ANKFN1: variants seen among roughly 807,000 people sequenced by gnomAD.
ANKFN1 encodes ankyrin repeat and fibronectin type-III domain-containing protein 1.
In ANKFN1, 74 loss-of-function variants were observed where a neutral mutation model predicts 108.7. That is an observed-to-expected ratio of 0.68 (90% CI 0.56 to 0.83). The LOEUF (loss-of-function observed/expected upper bound fraction) is 0.83. Ranked by LOEUF, ANKFN1 falls within the 40% of genes least tolerant of loss-of-function variation. ANKFN1 has a pLI of 0.00. For synonymous variants in ANKFN1, 547 were observed against 516.2 expected, an observed-to-expected ratio of 1.06 and a Z score of -0.81; for missense variants, 1,505 against 1,382.3, an observed-to-expected ratio of 1.09 and a Z score of -1.41.
chr17:56,121,909 CAT>C (rs1906646145), intron 4 of ANKFN1, among the ~76,000 whole-genome samples: 1 of 152,136 alleles, frequency 6.6e-6, no homozygotes, highest in South Asian at 2.1e-4. Flanking sequence ...CAAAGTTAGA[CAT>C]TCCTCAGGAA....
At chr17:56,257,817 G>A (rs2043396382) in intron 3 of ANKFN1, 1 of 152,182 alleles carries the variant, frequency 6.6e-6, no homozygotes, top group Non-Finnish European at 1.5e-5. Flanking sequence ...TCCAGGAGAG[G>A]ATTTTGGAAC....
chr17:56,268,340 T>C (rs947086931), intron 3 of ANKFN1, among the ~76,000 whole-genome samples: 1 of 152,154 alleles, frequency 6.6e-6, no homozygotes, highest in African/African-American at 2.4e-5. Context: ...TTTGGGTAAA[T>C]AATGAAATTA....
chr17:56,049,377 A>T (rs1186684426), intron 4 of ANKFN1, among the ~76,000 whole-genome samples: 2 of 140,912 alleles, frequency 1.4e-5, no homozygotes, highest in Non-Finnish European at 3.1e-5. Context: ...ACCATATAGA[A>T]GCGGGTTTGA....
chr17:56,119,362 A>ATGCCAC (rs1906468620), intron 4 of ANKFN1, among the ~76,000 whole-genome samples: 1 of 152,160 alleles, frequency 6.6e-6, no homozygotes, highest in Non-Finnish European at 1.5e-5. Context: ...ACAGTTGTGA[A>ATGCCAC]TGCCACTCAG....
rs757936040 is a variant in ANKFN1 at position 56,457,309 on chromosome 17, A to G, written c.1360A>G (p.Asn454Asp). Reference sequence around the variant, plus strand: ...TTACAAAGACAATATCTTAGTCACCAATGAAGATCAAGTACCAATTGTTGA... The same window carrying G: ...TTACAAAGACAATATCTTAGTCACCGATGAAGATCAAGTACCAATTGTTGA... Reference protein sequence around the residue: ...FYYKDNILVTNEDQVPIVEID... With the variant: ...FYYKDNILVTDEDQVPIVEID... Residue 454 changes from asparagine to aspartate, a missense_variant, in exon 13 of 21, where the codon AAT (asparagine) becomes GAT (aspartate). Coordinates refer to ENST00000682825, the MANE Select transcript of ANKFN1 (RefSeq NM_001370326.1). 3.7e-6 allele frequency: 6 copies of G among 1,603,988 alleles called. No homozygotes were observed. In the South Asian group the frequency reaches 6.7e-5, roughly 18 times the overall value.
chr17:56,415,431 C>T (rs1157313983), intron 8 of ANKFN1, among the ~76,000 whole-genome samples: 1 of 152,130 alleles, frequency 6.6e-6, no homozygotes, highest in African/African-American at 2.4e-5. Context: ...AGTGACTAAT[C>T]TGAAAAAGAA....
chr17:56,299,794 A>G (rs577425235), intron 3 of ANKFN1, among the ~76,000 whole-genome samples: 1 of 152,370 alleles, frequency 6.6e-6, no homozygotes, highest in South Asian at 2.1e-4. Flanking sequence ...AATAAGAGCT[A>G]GCAGTTTTTA....
At chr17:56,491,534 G>A (rs1024233165) in intron 18 of ANKFN1, among the ~76,000 whole-genome samples, 6 of 152,156 alleles carry the variant, frequency 3.9e-5, no homozygotes, top group African/African-American at 1.4e-4. Context: ...TGTGATATCT[G>A]TCCAATTATC....
intron 1 of ANKFN1, among the ~76,000 whole-genome samples, chr17:56,188,577 G>GTATATA (rs1433162811): frequency 6.7e-3 from 539 of 80,562 alleles, no homozygotes; most frequent in Non-Finnish European, 9.7e-3. Context: ...GTGTGTGTGT[G>GTATATA]TGTGTATATA....
chr17:56,093,923 G>A (rs1458170396), intron 4 of ANKFN1, among the ~76,000 whole-genome samples: 2 of 151,272 alleles, frequency 1.3e-5, no homozygotes, highest in Non-Finnish European at 3.0e-5. Flanking sequence ...TGGACATTAG[G>A]TCTTTTCAGA....
intron 6 of ANKFN1, chr17:56,367,958 C>A: frequency 4.9e-6 from 1 of 206,074 alleles, no homozygotes; most frequent in East Asian, 1.0e-4. Flanking sequence ...GAAAATCCAC[C>A]GAGTTCTTTA....
intron 6 of ANKFN1, among the ~76,000 whole-genome samples, chr17:56,359,345 A>G (rs1482358467): frequency 1.3e-5 from 2 of 152,196 alleles, no homozygotes; most frequent in Non-Finnish European, 2.9e-5. Flanking sequence ...TGTTTTCCAG[A>G]CATTGTTACA....
At chr17:56,317,314 C>A (rs1246115518) in intron 3 of ANKFN1, among the ~76,000 whole-genome samples, 1 of 152,160 alleles carries the variant, frequency 6.6e-6, no homozygotes, top group Non-Finnish European at 1.5e-5. Context: ...TGCAAATCAA[C>A]CTTTTTAGAT....
chr17:56,466,651 G>A, intron 15 of ANKFN1, 80 bp downstream of exon 15: 1 of 1,265,874 alleles, frequency 7.9e-7, no homozygotes, highest in Non-Finnish European at 1.1e-6. Flanking sequence ...AATATTGCAA[G>A]AGCCATTTAC....
chr17:56,150,647 A>G (rs1175611096), upstream of ANKFN1, among the ~76,000 whole-genome samples: 1 of 152,102 alleles, frequency 6.6e-6, no homozygotes, highest in East Asian at 1.9e-4. Context: ...TGCTCATCAC[A>G]TTCTCTTCCC....
At chr17:56,099,736 A>T (rs1345607690) in intron 4 of ANKFN1, among the ~76,000 whole-genome samples, 1 of 152,240 alleles carries the variant, frequency 6.6e-6, no homozygotes, top group Non-Finnish European at 1.5e-5. Flanking sequence ...TCTGTTCTTC[A>T]TTAGAGAGAC....
rs150386168 is a variant in ANKFN1, at chr17:56,516,587, G to A, written c.*5318G>A. 7.2e-5 allele frequency among the ~76,000 whole-genome samples: 11 copies of A among 152,208 alleles called. No individual in the cohort carries two copies. In the East Asian group the frequency reaches 1.9e-3, roughly 27 times the overall value. On this transcript the variant is annotated 3_prime_UTR_variant, in exon 21 of 21. Coordinates refer to ENST00000682825, the MANE Select transcript of ANKFN1 (RefSeq NM_001370326.1). ...TCTTGAAACAATAATTTTTTTGTAT[G>A]TACATTTGAAAACTATTTGAACAAT...
intron 3 of ANKFN1, among the ~76,000 whole-genome samples, chr17:56,296,762 T>C (rs1255793252): frequency 6.6e-6 from 1 of 151,948 alleles, no homozygotes; most frequent in Non-Finnish European, 1.5e-5. Flanking sequence ...TCAGACAGAC[T>C]TAAGTCCACT....
rs987223582 is a variant in ANKFN1, at chr17:56,514,857, A to G, written c.*3588A>G. 3.9e-5 allele frequency among the ~76,000 whole-genome samples: 6 copies of G among 152,278 alleles called. No homozygotes were observed. The highest frequency in any genetic ancestry group is 6.5e-5 in the Admixed American group (1 of 15,296). On this transcript the variant is annotated 3_prime_UTR_variant, in exon 21 of 21. Coordinates refer to ENST00000682825, the MANE Select transcript of ANKFN1 (RefSeq NM_001370326.1). ...GGCAAACACCTACTGTGTCCTTGCC[A>G]GGAGATCATGCCAGAGAAGTGGAAA...
Sources: allele counts gnomAD v4.1 joint callset (sites outside exome capture counted in the v4.1 genomes callset), GRCh38; gene constraint gnomAD v4.1.1; transcripts MANE v1.5; gene names NCBI Gene and HGNC (gene_info 2026-07-23, HGNC 2026-07-21).